The following LDLRAD4 variants were observed in gnomAD, a reference collection of about 807,000 sequenced individuals.
LDLRAD4 encodes low-density lipoprotein receptor class A domain-containing protein 4.
LDLRAD4 carries 5 observed loss-of-function variants against 17.0 expected under a neutral mutation model. The ratio of observed to expected loss-of-function variants is 0.29; its 90% confidence interval spans 0.15 to 0.62. LDLRAD4 has a LOEUF of 0.62. Ranked by LOEUF, LDLRAD4 falls within the 20% of genes least tolerant of loss-of-function variation. LDLRAD4 has a pLI of 0.84. For missense variants in LDLRAD4, 340 were observed against 424.7 expected (o/e 0.80, Z 1.75); for synonymous variants, 168 against 171.8 (o/e 0.98, Z 0.17).
chr18:13,553,076 G>A (rs1161977382), intron 3 of LDLRAD4, among the ~76,000 whole-genome samples: 1 of 152,230 alleles, frequency 6.6e-6, no homozygotes, highest in Non-Finnish European at 1.5e-5. Context: ...TTTAGTAAAT[G>A]TGACATTCTA....
chr18:13,478,538 A>G (rs2093004721), intron 3 of LDLRAD4, among the ~76,000 whole-genome samples: 1 of 152,264 alleles, frequency 6.6e-6, no homozygotes, highest in South Asian at 2.1e-4. Context: ...ACCATTTATA[A>G]TAGCATGCAA....
At chr18:13,535,602 T>C (rs1451957854) in intron 3 of LDLRAD4, among the ~76,000 whole-genome samples, 1 of 152,228 alleles carries the variant, frequency 6.6e-6, no homozygotes, top group African/African-American at 2.4e-5. Context: ...TCTCCTAGTC[T>C]GTGGTTTGTT....
chr18:13,508,986 C>A (rs932969186), intron 3 of LDLRAD4, among the ~76,000 whole-genome samples: 6 of 152,176 alleles, frequency 3.9e-5, no homozygotes, highest in African/African-American at 1.4e-4. Context: ...TAAGAACATT[C>A]ATGACTCATG....
At chr18:13,371,688 C>T (rs1039111053) in intron 1 of LDLRAD4, among the ~76,000 whole-genome samples, 4 of 151,826 alleles carry the variant, frequency 2.6e-5, no homozygotes, top group African/African-American at 9.7e-5. Flanking sequence ...TCGCCTGAAC[C>T]CGAGAGGCGG....
At chr18:13,471,983 C>T (rs1018329367) in intron 3 of LDLRAD4, 7 of 152,250 alleles carry the variant, frequency 4.6e-5, no homozygotes, top group Admixed American at 2.6e-4. Flanking sequence ...GTCATAAAAA[C>T]ACGATTTCCA....
chr18:13,431,486 T>A (rs2146040744), intron 2 of LDLRAD4, among the ~76,000 whole-genome samples: 1 of 152,320 alleles, frequency 6.6e-6, no homozygotes, highest in South Asian at 2.1e-4. Flanking sequence ...GGTGTTTTGA[T>A]GGAAAGTTGG....
chr18:13,442,905 A>G (rs1199558997), intron 3 of LDLRAD4, among the ~76,000 whole-genome samples: 1 of 152,212 alleles, frequency 6.6e-6, no homozygotes, highest in Non-Finnish European at 1.5e-5. Context: ...ACAAGAAGCC[A>G]CAACTTTCCC....
chr18:13,293,555 T>C (rs1031591860), intron 1 of LDLRAD4, among the ~76,000 whole-genome samples: 1 of 152,198 alleles, frequency 6.6e-6, no homozygotes, highest in South Asian at 2.1e-4. Context: ...ATCGGAAATA[T>C]TGTGCACACC....
chr18:13,298,213 A>G (rs2046376017), intron 1 of LDLRAD4, among the ~76,000 whole-genome samples: 1 of 152,232 alleles, frequency 6.6e-6, no homozygotes, highest in Admixed American at 6.5e-5. Flanking sequence ...ATCTATCACT[A>G]GGAAGCCAGC....
intron 3 of LDLRAD4, among the ~76,000 whole-genome samples, chr18:13,504,499 C>G (rs191146410): frequency 4.6e-4 from 70 of 152,350 alleles, no homozygotes; most frequent in African/African-American, 1.5e-3. Context: ...ACGATCTCAG[C>G]TCACTGCAAC....
chr18:13,613,053 T>C (rs892677648), intron 3 of LDLRAD4: 9 of 315,600 alleles, frequency 2.9e-5, no homozygotes, highest in Non-Finnish European at 4.7e-5. Context: ...CTTTGGAGTT[T>C]TGTTTTTTTC....
chr18:13,586,826 G>A lies in LDLRAD4; in HGVS notation c.182-34291G>A, dbSNP rs1026865446. The stretch of plus-strand genomic sequence containing the variant: ...CCCTTGACCCTGGGAGGCAGAGGTC[G>A]CAGCCAGCCTGGGTGACAGAGTGAG... On this transcript the variant is annotated intron_variant, in intron 3 of 5. Transcript: ENST00000359446. Among the ~76,000 whole-genome samples, 7 of 148,402 alleles carry A rather than the reference G, an allele frequency of 4.7e-5. No individual in the cohort carries two copies. The South Asian group carries it at 1.1e-3, about 23-fold the overall frequency.
At chr18:13,407,872 T>C (rs762460566) in intron 2 of LDLRAD4, among the ~76,000 whole-genome samples, 47 of 152,268 alleles carry the variant, frequency 3.1e-4, no homozygotes, top group Non-Finnish European at 5.3e-4. Context: ...TTTGTATTAA[T>C]TGTTCTAAGA....
At chr18:13,530,463 C>T (rs374520697) in intron 3 of LDLRAD4, among the ~76,000 whole-genome samples, 1 of 152,210 alleles carries the variant, frequency 6.6e-6, no homozygotes, top group African/African-American at 2.4e-5. Flanking sequence ...AGCAGTGCTG[C>T]GTGTTCTTGG....
chr18:13,269,127 C>CT (rs1336020593), intron 1 of LDLRAD4, among the ~76,000 whole-genome samples: 1 of 152,212 alleles, frequency 6.6e-6, no homozygotes, highest in African/African-American at 2.4e-5. Context: ...TGAGGAAAGG[C>CT]TGCATGTCTT....
chr18:13,464,580 A>C (rs570369373), intron 3 of LDLRAD4, among the ~76,000 whole-genome samples: 1 of 152,354 alleles, frequency 6.6e-6, no homozygotes, highest in South Asian at 2.1e-4. Flanking sequence ...AGCAGATGTG[A>C]CAATACCACT....
chr18:13,498,862 C>A (rs1195357771), intron 3 of LDLRAD4, among the ~76,000 whole-genome samples: 2 of 147,058 alleles, frequency 1.4e-5, no homozygotes, highest in Admixed American at 1.4e-4. Flanking sequence ...ACTGGAGAAT[C>A]CTTCTCGCCA....
chr18:13,498,818 A>C (rs2093542596), intron 3 of LDLRAD4, among the ~76,000 whole-genome samples: 1 of 143,104 alleles, frequency 7.0e-6, no homozygotes, highest in Non-Finnish European at 1.5e-5. Context: ...TGGACACTGG[A>C]GAATCCTCCC....
intron 3 of LDLRAD4, among the ~76,000 whole-genome samples, chr18:13,603,530 C>G (rs2095187951): frequency 1.3e-5 from 2 of 152,230 alleles, no homozygotes; most frequent in African/African-American, 4.8e-5. Context: ...CTTTCTGTGC[C>G]TCTATTCTCT....
Sources: gnomAD v4.1 joint callset for allele counts (sites outside exome capture counted in the v4.1 genomes callset) on GRCh38, gnomAD v4.1.1 for gene constraint, MANE v1.5 for transcripts, NCBI Gene and HGNC (gene_info 2026-07-23, HGNC 2026-07-21) for gene names.